Variants in MMAB observed in about 807,000 individuals in gnomAD.
MMAB encodes metabolism of cobalamin associated B, also known as corrinoid adenosyltransferase MMAB.
MMAB carries 17 observed loss-of-function variants against 30.6 expected under a neutral mutation model. The ratio of observed to expected loss-of-function variants is 0.56; its 90% CI spans 0.38 to 0.83. The LOEUF is 0.83. Among genes scored for constraint, MMAB ranks in the 40% least tolerant of loss-of-function variants. The pLI, the probability that MMAB is intolerant of heterozygous loss-of-function variation, is 0.00. For missense variants in MMAB, 311 were observed against 331.6 expected (o/e 0.94, Z 0.48); for synonymous variants, 134 against 138.6 (o/e 0.97, Z 0.23).
At chr12:109,566,948 T>C (rs1884451864) in intron 3 of MMAB, 1 of 455,778 alleles carries the variant, frequency 2.2e-6, no homozygotes, top group Non-Finnish European at 4.4e-6. Flanking sequence ...AGGGGTTTGT[T>C]TGCCTTCTCT....
chr12:109,560,975 CTCCCCCCTCCCCCTT>C, intron 7 of MMAB, 50 bp downstream of exon 7: 2 of 547,410 alleles, frequency 3.7e-6, no homozygotes, highest in Non-Finnish European at 6.9e-6. Context: ...CTCCCTCTCC[CTCCCCCCTCCCCCTT>C]GTTCCTCTCC....
rs1289906830 is a variant in MMAB at position 109,569,928 on chromosome 12, C to T, written c.197-1065G>A. On this transcript the variant is annotated intron_variant, in intron 2 of 8. Coordinates refer to ENST00000545712, the MANE Select transcript of MMAB (RefSeq NM_052845.4). This position sits in a 1 kb window ranked among gnomAD's most constrained non-coding sequence, Gnocchi z 4.1. ...ATCTTTATCCATTACAGCGTTAGCA[C>T]CTCTTTGTCCCTTCTGTCTTCTAGA... The T allele has an allele frequency of 6.1e-6, 1 of 164,864 alleles. No individual in the cohort carries two copies. Among genetic ancestry groups the T allele is most frequent in the Non-Finnish European group, 1.3e-5 (1 of 74,364 alleles). 10.2% of individuals were successfully genotyped at this position (164,864 alleles called of 1,614,324 possible).
chr12:109,557,812 A>T (rs1046261844), intron 8 of MMAB, among the ~76,000 whole-genome samples: 1 of 152,212 alleles, frequency 6.6e-6, no homozygotes, highest in Non-Finnish European at 1.5e-5. Context: ...CACAGGCTGG[A>T]GCACTCTAGA....
chr12:109,561,121 A>ACAT lies in MMAB; in HGVS notation c.520-20_520-18dup. 6.2e-7 allele frequency: 1 copy of ACAT among 1,608,422 alleles called. No individual in the cohort carries two copies. Among genetic ancestry groups the ACAT allele is most frequent in the South Asian group, 1.1e-5 (1 of 91,070 alleles). ...GCCTCCCGACTGAAAGGAGAAAGGG[A>ACAT]CATTGCCTGAGCAGGGTGGGAAAGG... On this transcript the variant is annotated splice_polypyrimidine_tract_variant and intron_variant, in intron 6 of 8. Transcript: ENST00000545712. The surrounding 1 kb of genome is among the most constrained non-coding windows in gnomAD (Gnocchi z 5.3).
rs778272646 is a variant in MMAB at position 109,554,942 on chromosome 12, G to A, written c.*2086C>T. 11 of 454,120 alleles carry A rather than the reference G, an allele frequency of 2.4e-5. No homozygotes were observed. The highest frequency in any genetic ancestry group is 6.9e-5 in the East Asian group (1 of 14,398). The allele number at this position is 454,120 out of a possible 1,614,324, so 28.1% of individuals were successfully genotyped here. A position where few individuals can be genotyped will look rare whatever the true frequency, so the allele number is the denominator to read the frequency against. ...TCAGAGAAGTGTTTGCTGGTGAACC[G>A]GGAGACAGATACAGAGGCGGGGGTC... On this transcript the variant is annotated 3_prime_UTR_variant, in exon 9 of 9. Transcript: ENST00000545712.
chr12:109,556,906 C>T lies in MMAB; in HGVS notation c.*122G>A, dbSNP rs901901548. On this transcript the variant is annotated 3_prime_UTR_variant, in exon 9 of 9. Transcript: ENST00000545712. ...GGTGTAGATCAAAGCTGAGCTGGGA[C>T]AAAAGGCTGCTTTGAGCCTCTCTGG... 4 of 686,370 alleles carry T rather than the reference C, an allele frequency of 5.8e-6. No homozygotes were observed. Among genetic ancestry groups the T allele is most frequent in the Non-Finnish European group, 1.1e-5 (4 of 379,240 alleles). The allele number at this position is 686,370 out of a possible 1,614,324, so 42.5% of individuals were successfully genotyped here.
At position 109,554,005 on chromosome 12, in the gene MMAB, AG is replaced by A; in HGVS notation, c.*3022del. ...CATGAAATATTAGTTAAGGGAAACT[AG>A]GTTGAGAAATGAGACAGCAGGATCT... On this transcript the variant is annotated 3_prime_UTR_variant, in exon 9 of 9. Transcript: ENST00000545712. The A allele has an allele frequency of 2.2e-6, 1 of 454,048 alleles. No individual in the cohort carries two copies. Among genetic ancestry groups the A allele is most frequent in the Non-Finnish European group, 4.4e-6 (1 of 226,788 alleles). 28.1% of individuals were successfully genotyped at this position (454,048 alleles called of 1,614,324 possible).
intron 3 of MMAB, chr12:109,568,401 A>G (rs978494493): frequency 9.4e-6 from 3 of 318,048 alleles, no homozygotes; most frequent in African/African-American, 4.3e-5. Context: ...TGGCTTATGT[A>G]AAAAACAACA....
rs1883978677 is a variant in MMAB at position 109,556,597 on chromosome 12, T to C, written c.*431A>G. On this transcript the variant is annotated 3_prime_UTR_variant, in exon 9 of 9. Transcript: ENST00000545712. Reference sequence around the variant, plus strand: ...CAATTACATTTTCAAGGGCCTCTGGTCCCATTCCAAATCTGTGAACAACCT... The same window carrying C: ...CAATTACATTTTCAAGGGCCTCTGGCCCCATTCCAAATCTGTGAACAACCT... The C allele has an allele frequency of 1.5e-5, 7 of 454,636 alleles. No homozygotes were observed. Among genetic ancestry groups the C allele is most frequent in the Non-Finnish European group, 3.1e-5 (7 of 227,856 alleles). The allele number at this position is 454,636 out of a possible 1,614,324, so 28.2% of individuals were successfully genotyped here. A position where few individuals can be genotyped will look rare whatever the true frequency, so the allele number is the denominator to read the frequency against.
rs1883883288 is a variant in MMAB, at chr12:109,554,127, G to A, written c.*2901C>T. ...AGCTGAGGAGCACGGGGCTGTGAGT[G>A]ACGAGGCCGCGTCCGGGGCTCACAT... On this transcript the variant is annotated 3_prime_UTR_variant, in exon 9 of 9. Coordinates refer to ENST00000545712, the MANE Select transcript of MMAB (RefSeq NM_052845.4). 2.2e-6 allele frequency: 1 copy of A among 453,838 alleles called. No individual in the cohort carries two copies. The allele number at this position is 453,838 out of a possible 1,614,324, so 28.1% of individuals were successfully genotyped here.
rs1036425973 is a variant in MMAB, at chr12:109,568,525, G to C, written c.290+245C>G. 6.7e-6 allele frequency: 4 copies of C among 598,888 alleles called. No homozygotes were observed. In the East Asian group the frequency reaches 1.1e-4, roughly 17 times the overall value. 37.1% of individuals were successfully genotyped at this position (598,888 alleles called of 1,614,324 possible). ...CTCACCTGAAAAGTGAGGGATGAGA[G>C]GGAGGCAGCTTCACATGGCATGGGC... On this transcript the variant is annotated intron_variant, in intron 3 of 8. Coordinates refer to ENST00000545712, the MANE Select transcript of MMAB (RefSeq NM_052845.4).
rs1884563277 is a variant in MMAB, at chr12:109,569,518, T to C, written c.197-655A>G. ...ATCCTGATAAAGAAATACAACACGT[T>C]CTATATTTTATATCATATATACATT... On this transcript the variant is annotated intron_variant, in intron 2 of 8. Coordinates refer to ENST00000545712, the MANE Select transcript of MMAB (RefSeq NM_052845.4). The surrounding 1 kb of genome is among the most constrained non-coding windows in gnomAD (Gnocchi z 4.1). Among the ~76,000 whole-genome samples the C allele has an allele frequency of 6.6e-6, 1 of 152,196 alleles. No homozygotes were observed. The highest frequency in any genetic ancestry group is 2.1e-4 in the South Asian group (1 of 4,826).
Position 109,559,128 on chromosome 12 carries a change from C to G in MMAB, c.612G>C (p.Glu204Asp), listed in dbSNP as rs764090327. Reference sequence around the variant, plus strand: ...AGAACTTGGCCACGTTCGCATCGGTCTCTCCCATCTGGACAAGAGGCACCA... The same window carrying G: ...AGAACTTGGCCACGTTCGCATCGGTGTCTCCCATCTGGACAAGAGGCACCA... ...RRVVPLVQMG[E>D]TDANVAKFLN... Residue 204 changes from glutamate to aspartate, a missense_variant, in exon 8 of 9, where the codon GAG becomes GAC. By Grantham distance (45) the Glu-to-Asp change is conservative (BLOSUM62 2). Transcript: ENST00000545712. 13 of 1,613,836 alleles carry G rather than the reference C, an allele frequency of 8.1e-6. No homozygotes were observed. The highest frequency in any genetic ancestry group is 1.1e-5 in the Non-Finnish European group (13 of 1,179,926).
rs1330754557 is a variant in MMAB at position 109,561,872 on chromosome 12, G to A, written c.349-20C>T. 1.3e-6 allele frequency: 2 copies of A among 1,590,348 alleles called. No homozygotes were observed. The highest frequency in any genetic ancestry group is 1.7e-6 in the Non-Finnish European group (2 of 1,166,700). On this transcript the variant is annotated intron_variant, in intron 4 of 8. Transcript: ENST00000545712. The surrounding 1 kb of genome is among the most constrained non-coding windows in gnomAD (Gnocchi z 5.3). ...CTGGATCTGGGGGGCGACAGAAAGT[G>A]ACAGTCAAGATCTATGTGAGATGGG...
At chr12:109,570,131 T>C (rs906669731) in intron 2 of MMAB, 1 of 313,564 alleles carries the variant, frequency 3.2e-6, no homozygotes, top group South Asian at 2.3e-5. Flanking sequence ...GGCATGGTGA[T>C]GCATGCCTGT....
Position 109,568,772 on chromosome 12 carries a change from A to G in MMAB, c.288T>C (p.Ile96=), listed in dbSNP as rs62000414. 7.2e-3 allele frequency: 11,692 copies of G among 1,612,942 alleles called. 795 individuals are homozygous for G. In the African/African-American group the frequency reaches 0.13, roughly 19 times the overall value. ...VGTTDELSSA[I]GFALELVTEK... is the part of the protein sequence containing the mutation. The stretch of plus-strand genomic sequence containing the variant: ...AAGGCCAATCCTGTCCCCCTTACCC[A>G]ATAGCTGAACTTAATTCATCTGTAG... Residue 96 remains isoleucine (I), a splice_region_variant and synonymous_variant, in exon 3 of 9, where the codon ATT becomes ATC. Transcript: ENST00000545712.
chr12:109,563,501 T>C (rs1172763225), intron 4 of MMAB, among the ~76,000 whole-genome samples: 1 of 152,176 alleles, frequency 6.6e-6, no homozygotes, highest in Non-Finnish European at 1.5e-5. Context: ...GTGCCAAGGC[T>C]GGGTGGGAGG....
At chr12:109,564,557 A>AT (rs1225684291) in intron 4 of MMAB, among the ~76,000 whole-genome samples, 7,680 of 140,614 alleles carry the variant, frequency 0.055, 271 homozygotes, top group Middle Eastern at 0.09. Flanking sequence ...CTAATTTTTA[A>AT]TTTTTTTTTT....
At chr12:109,557,823 G>T (rs902998257) in intron 8 of MMAB, among the ~76,000 whole-genome samples, 1 of 152,202 alleles carries the variant, frequency 6.6e-6, no homozygotes, top group Non-Finnish European at 1.5e-5. Flanking sequence ...GCACTCTAGA[G>T]ACCAGAGCCC....
Sources: allele counts gnomAD v4.1 joint callset (sites outside exome capture counted in the v4.1 genomes callset), GRCh38; gene constraint gnomAD v4.1.1; non-coding constraint Gnocchi (gnomAD v3.1); transcripts MANE v1.5; gene names NCBI Gene and HGNC (gene_info 2026-07-23, HGNC 2026-07-21).